RNF168: variants seen among roughly 807,000 people sequenced by gnomAD.
RNF168 encodes ring finger protein 168.
In RNF168, 34 loss-of-function variants were observed where a neutral mutation model predicts 34.9. That is an observed-to-expected ratio of 0.97 (90% CI 0.74 to 1.30). The LOEUF (loss-of-function observed/expected upper bound fraction) is 1.30. RNF168 is among the 50% of genes most tolerant of loss of function. RNF168 has a pLI of 0.00. For synonymous variants in RNF168, 264 were observed against 254.7 expected, an observed-to-expected ratio of 1.04 and a Z score of -0.35; for missense variants, 725 against 682.5, an observed-to-expected ratio of 1.06 and a Z score of -0.69.
chr3:196,503,447 G>T lies in RNF168; in HGVS notation c.-274C>A. 2.2e-6 allele frequency: 1 copy of T among 462,664 alleles called. No homozygotes were observed. 28.7% of individuals were successfully genotyped at this position (462,664 alleles called of 1,614,324 possible). ...ATAAATGCAGGTTTTCGTCGGAGGA[G>T]CCTGGCTGCTCCGCGGCATGAACAC... On this transcript the variant is annotated 5_prime_UTR_variant, in exon 1 of 6. Coordinates refer to ENST00000318037, the MANE Select transcript of RNF168 (RefSeq NM_152617.4).
intron 4 of RNF168, among the ~76,000 whole-genome samples, chr3:196,477,626 G>A (rs183545039): frequency 1.2e-3 from 184 of 152,286 alleles, no homozygotes; most frequent in Non-Finnish European, 2.1e-3. Flanking sequence ...TACTTACGAA[G>A]CATACCAGTA....
At position 196,502,723 on chromosome 3, in the gene RNF168, G is replaced by T; in HGVS notation, c.301+150C>A. On this transcript the variant is annotated intron_variant, in intron 1 of 5. Coordinates refer to ENST00000318037, the MANE Select transcript of RNF168 (RefSeq NM_152617.4). ...ACTTTATAATCCATCGACATTTGGGGACCCATAAACCCCCTAACCTCTGAG... is the reference window on the plus strand; with the variant it reads ...ACTTTATAATCCATCGACATTTGGGTACCCATAAACCCCCTAACCTCTGAG... 3 of 725,822 alleles carry T rather than the reference G, an allele frequency of 4.1e-6. No individual in the cohort carries two copies. The South Asian group carries it at 4.5e-5, about 11-fold the overall frequency. The allele number at this position is 725,822 out of a possible 1,614,324, so 45.0% of individuals were successfully genotyped here. A position where few individuals can be genotyped will look rare whatever the true frequency, so the allele number is the denominator to read the frequency against.
chr3:196,471,620 G>A lies in RNF168; in HGVS notation c.*199C>T, dbSNP rs537689090. On this transcript the variant is annotated 3_prime_UTR_variant, in exon 6 of 6. Coordinates refer to ENST00000318037, the MANE Select transcript of RNF168 (RefSeq NM_152617.4). ...CACATCTGTTATTAAGAAGGGAAACGACAGGGGACCCCTGCTTACCGCTGA... is the reference window on the plus strand; with the variant it reads ...CACATCTGTTATTAAGAAGGGAAACAACAGGGGACCCCTGCTTACCGCTGA... 2.9e-5 allele frequency: 17 copies of A among 580,008 alleles called. No homozygotes were observed. Among genetic ancestry groups the A allele is most frequent in the South Asian group, 1.7e-4 (8 of 48,122 alleles). 35.9% of individuals were successfully genotyped at this position (580,008 alleles called of 1,614,324 possible).
chr3:196,494,223 T>C lies in RNF168; in HGVS notation c.302-5540A>G, dbSNP rs572909614. Among the ~76,000 whole-genome samples, 75 of 152,320 alleles carry C rather than the reference T, an allele frequency of 4.9e-4. No individual in the cohort carries two copies. The Middle Eastern group carries it at 0.01, about 21-fold the overall frequency. ...CAGTTTTATAGTCTTAAAGTGACTATACAATTTTTGCCATCTGTTGGAAAC... is the reference window on the plus strand; with the variant it reads ...CAGTTTTATAGTCTTAAAGTGACTACACAATTTTTGCCATCTGTTGGAAAC... On this transcript the variant is annotated intron_variant, in intron 1 of 5. Coordinates refer to ENST00000318037, the MANE Select transcript of RNF168 (RefSeq NM_152617.4).
intron 1 of RNF168, among the ~76,000 whole-genome samples, chr3:196,502,054 GAAAA>G (rs554041803): frequency 2.3e-3 from 117 of 50,044 alleles, no homozygotes; most frequent in Middle Eastern, 0.021. Context: ...AAAAAAATTA[GAAAA>G]AAAAAAAAAA....
At chr3:196,487,651 T>C (rs112832198) in intron 2 of RNF168, 73 bp from the exon 3 acceptor site, 2 of 1,364,208 alleles carry the variant, frequency 1.5e-6, no homozygotes, top group Non-Finnish European at 2.1e-6. Context: ...ATAACAAGAA[T>C]AGAAAAGTAG....
At chr3:196,501,307 GA>G (rs1302772591) in intron 1 of RNF168, among the ~76,000 whole-genome samples, 2 of 151,960 alleles carry the variant, frequency 1.3e-5, no homozygotes, top group East Asian at 1.9e-4. Flanking sequence ...TTCAAATAAC[GA>G]AAAGGTGAAA....
At position 196,503,722 on chromosome 3, in the gene RNF168, G is replaced by A. The variant is rs2108657874; in HGVS notation, c.-549C>T. 5.8e-6 allele frequency: 1 copy of A among 171,664 alleles called. No individual in the cohort carries two copies. Among genetic ancestry groups the A allele is most frequent in the Admixed American group, 5.6e-5 (1 of 17,762 alleles). 10.6% of individuals were successfully genotyped at this position (171,664 alleles called of 1,614,324 possible). A position where few individuals can be genotyped will look rare whatever the true frequency, so the allele number is the denominator to read the frequency against. On this transcript the variant is annotated 5_prime_UTR_variant, in exon 1 of 6. Transcript: ENST00000318037. ...TCCGCGCCCCCGTCCCTCCTACGCA[G>A]CCAGAAACCCTATTCGTTGCGGCAG... is the stretch of plus-strand genomic sequence containing the variant.
intron 5 of RNF168, 111 bp from the exon 6 acceptor site, chr3:196,472,883 C>A: frequency 6.0e-6 from 4 of 661,668 alleles, no homozygotes; most frequent in Non-Finnish European, 1.1e-5. Context: ...ATTATTATTA[C>A]TAATAAGGTA....
chr3:196,480,488 G>A (rs1352482549), intron 4 of RNF168, among the ~76,000 whole-genome samples: 2 of 152,136 alleles, frequency 1.3e-5, no homozygotes, highest in Admixed American at 6.5e-5. Context: ...GCGAGACTCC[G>A]TCTCAAAAGA....
intron 4 of RNF168, among the ~76,000 whole-genome samples, chr3:196,479,849 C>T (rs919637171): frequency 1.2e-4 from 19 of 152,186 alleles, no homozygotes; most frequent in Admixed American, 2.0e-4. Context: ...GCCTCACCCT[C>T]CCAAAGTGCT....
intron 1 of RNF168, among the ~76,000 whole-genome samples, chr3:196,498,305 C>T (rs1732793306): frequency 6.6e-6 from 1 of 151,980 alleles, no homozygotes; most frequent in African/African-American, 2.4e-5. Context: ...TACAGGTGCC[C>T]GCCACCACAC....
In RNF168 at chr3:196,477,498, A is replaced by G. The variant is rs142264891; in HGVS notation, c.681-2186T>C. On this transcript the variant is annotated intron_variant, in intron 4 of 5. Transcript: ENST00000318037. ...CATATATTTAGTTATATCAATCTAT[A>G]TATTTACTCTGTTAACTTTGAAGAA... 3.6e-3 allele frequency among the ~76,000 whole-genome samples: 554 copies of G among 152,336 alleles called. 5 individuals are homozygous for G. The highest frequency in any genetic ancestry group is 0.012 in the African/African-American group (506 of 41,580).
chr3:196,475,496 T>C (rs1732123439), intron 4 of RNF168, 184 bp from the exon 5 acceptor site: 1 of 588,870 alleles, frequency 1.7e-6, no homozygotes, highest in South Asian at 2.0e-5. Flanking sequence ...TGATTGAGTA[T>C]TGATATTTTA....
At chr3:196,484,625 G>A (rs1732381063) in intron 3 of RNF168, among the ~76,000 whole-genome samples, 2 of 151,764 alleles carry the variant, frequency 1.3e-5, no homozygotes, top group African/African-American at 4.8e-5. Context: ...AGGACTACAG[G>A]CATGAGCCAC....
In RNF168 at chr3:196,503,114, C is replaced by T; in HGVS notation, c.60G>A (p.Met20Ile). The T allele has an allele frequency of 1.2e-6, 2 of 1,614,122 alleles. No homozygotes were observed. Among genetic ancestry groups the T allele is most frequent in the Middle Eastern group, 1.6e-4 (1 of 6,062 alleles). The part of the protein sequence containing the change: ...SLSECQCGIC[M>I]EILVEPVTLP... ...GGGTGACGGGCTCCACGAGGATTTCCATGCAGATCCCGCACTGGCACTCGG... is the reference window on the plus strand; with the variant it reads ...GGGTGACGGGCTCCACGAGGATTTCTATGCAGATCCCGCACTGGCACTCGG... The change falls in exon 1 of 6, where the codon ATG becomes ATA. Residue 20 changes from methionine (M) to isoleucine (I), a missense_variant. Coordinates refer to ENST00000318037, the MANE Select transcript of RNF168 (RefSeq NM_152617.4).
chr3:196,501,366 C>A (rs941879057), intron 1 of RNF168, among the ~76,000 whole-genome samples: 2 of 152,118 alleles, frequency 1.3e-5, no homozygotes, highest in Admixed American at 6.5e-5. Flanking sequence ...CAAGTATATC[C>A]GTAAAACAAA....
At chr3:196,472,846 G>A in intron 5 of RNF168, 74 bp from the exon 6 acceptor site, 1 of 830,186 alleles carries the variant, frequency 1.2e-6, no homozygotes, top group Non-Finnish European at 2.1e-6. Context: ...TAATTACACT[G>A]ATACTACAGC....
At chr3:196,496,308 G>A (rs925887644) in intron 1 of RNF168, among the ~76,000 whole-genome samples, 11 of 152,146 alleles carry the variant, frequency 7.2e-5, no homozygotes, top group African/African-American at 2.7e-4. Flanking sequence ...CAAACTTGTA[G>A]GGGATCCTTC....
Sources: allele counts gnomAD v4.1 joint callset (sites outside exome capture counted in the v4.1 genomes callset), GRCh38; gene constraint gnomAD v4.1.1; transcripts MANE v1.5; gene names NCBI Gene and HGNC (gene_info 2026-07-23, HGNC 2026-07-21).